FNTA: variants seen among roughly 807,000 people sequenced by gnomAD.
The protein encoded by FNTA is protein farnesyltransferase/geranylgeranyltransferase type-1 subunit alpha.
Under a neutral mutation model 55.2 loss-of-function variants are expected in FNTA, and 27 were observed. That is an observed-to-expected ratio of 0.49 (90% CI 0.36 to 0.67). FNTA has a LOEUF of 0.67. Among genes scored for constraint, FNTA ranks in the 30% least tolerant of loss-of-function variants. The probability of loss-of-function intolerance (pLI) is 0.00; values close to 1 mark genes in which losing one functional copy is unlikely to be tolerated. For missense variants in FNTA, 422 were observed against 464.7 expected, an observed-to-expected ratio of 0.91 and a Z score of 0.85; for synonymous variants, 176 against 170.7, an observed-to-expected ratio of 1.03 and a Z score of -0.24.
At chr8:43,063,242 G>A (rs777585159) in intron 2 of FNTA, 8 of 455,436 alleles carry the variant, frequency 1.8e-5, no homozygotes, top group South Asian at 1.2e-4. Context: ...CACCACGCCC[G>A]ATTAATTTCT....
At chr8:43,072,863 T>A (rs1006741097) in intron 5 of FNTA, among the ~76,000 whole-genome samples, 1 of 152,236 alleles carries the variant, frequency 6.6e-6, no homozygotes, top group Non-Finnish European at 1.5e-5. Context: ...GCTAGCAAAT[T>A]GAGTATAAAG....
At chr8:43,076,132 C>G (rs1229399684) in intron 5 of FNTA, among the ~76,000 whole-genome samples, 1 of 152,256 alleles carries the variant, frequency 6.6e-6, no homozygotes, top group African/African-American at 2.4e-5. Context: ...CAACCTCCAC[C>G]TCACGGGTTC....
At chr8:43,077,680 A>G (rs149574766) in intron 6 of FNTA, 193 of 172,212 alleles carry the variant, frequency 1.1e-3, no homozygotes, top group African/African-American at 4.4e-3. Context: ...CCCAGATGCC[A>G]TGTTACCCTA....
intron 3 of FNTA, among the ~76,000 whole-genome samples, chr8:43,068,103 T>C (rs1244390903): frequency 6.6e-6 from 1 of 152,184 alleles, no homozygotes; most frequent in South Asian, 2.1e-4. Context: ...TGTTTCACCA[T>C]GTTAGCCAGG....
At chr8:43,058,323 T>G (rs1174179377) in intron 1 of FNTA, among the ~76,000 whole-genome samples, 1 of 152,244 alleles carries the variant, frequency 6.6e-6, no homozygotes, top group East Asian at 1.9e-4. Context: ...CCTGTCTTAT[T>G]AATGATCACC....
intron 2 of FNTA, among the ~76,000 whole-genome samples, chr8:43,061,376 T>G (rs1810525451): frequency 6.6e-6 from 1 of 152,246 alleles, no homozygotes; most frequent in Non-Finnish European, 1.5e-5. Flanking sequence ...GTTATTTAAC[T>G]CCTATGTGCC....
chr8:43,064,051 G>A (rs1424299650), intron 2 of FNTA, 50 bp from the exon 3 acceptor site: 1 of 1,103,272 alleles, frequency 9.1e-7, no homozygotes, highest in Admixed American at 1.8e-5. Flanking sequence ...ACATTATAGT[G>A]CTAATTTTAA....
Position 43,056,556 on chromosome 8 carries a change from C to T in FNTA, c.200+10C>T. The T allele has an allele frequency of 2.1e-6, 3 of 1,401,806 alleles. No homozygotes were observed. The highest frequency in any genetic ancestry group is 3.2e-5 in the South Asian group (2 of 62,624). 86.8% of individuals were successfully genotyped at this position (1,401,806 alleles called of 1,614,324 possible). A position where few individuals can be genotyped will look rare whatever the true frequency, so the allele number is the denominator to read the frequency against. ...CCTATGTCCTGTACAGGTAACGCCC[C>T]CGCGGCGGCCGCGGCTCGGGACACT... is the stretch of plus-strand genomic sequence containing the variant. On this transcript the variant is annotated intron_variant, in intron 1 of 8. Coordinates refer to ENST00000302279, the MANE Select transcript of FNTA (RefSeq NM_002027.3).
At chr8:43,068,204 G>T (rs373548210) in intron 3 of FNTA, among the ~76,000 whole-genome samples, 1 of 152,148 alleles carries the variant, frequency 6.6e-6, no homozygotes, top group African/African-American at 2.4e-5. Flanking sequence ...TAGAGATGGG[G>T]TTTTGCCACG....
intron 5 of FNTA, chr8:43,076,583 A>G (rs1338156526): frequency 6.6e-6 from 1 of 152,124 alleles, no homozygotes; most frequent in Non-Finnish European, 1.5e-5. Flanking sequence ...TTTTACTTTG[A>G]TATATTAATA....
intron 5 of FNTA, among the ~76,000 whole-genome samples, chr8:43,075,403 T>C (rs1004210176): frequency 1.3e-5 from 2 of 152,120 alleles, no homozygotes; most frequent in Non-Finnish European, 2.9e-5. Flanking sequence ...ATTATCTTTT[T>C]TATAATGTCC....
intron 1 of FNTA, chr8:43,057,374 T>TA (rs1280233327): frequency 3.3e-5 from 5 of 152,302 alleles, no homozygotes; most frequent in Middle Eastern, 3.4e-3. Flanking sequence ...CCCATATATA[T>TA]TTTTTTGATT....
At chr8:43,064,361 G>A in intron 3 of FNTA, 146 bp downstream of exon 3, 1 of 564,264 alleles carries the variant, frequency 1.8e-6, no homozygotes. Flanking sequence ...GCCCAGGCTG[G>A]AGTATAACTG....
At chr8:43,073,425 G>A (rs1810839808) in intron 5 of FNTA, 2 of 152,152 alleles carry the variant, frequency 1.3e-5, no homozygotes, top group Non-Finnish European at 1.5e-5. Flanking sequence ...TAATTGTGTT[G>A]TAGCTTATGC....
At chr8:43,078,970 T>G (rs1267220940) in intron 6 of FNTA, 1 of 152,412 alleles carries the variant, frequency 6.6e-6, no homozygotes, top group Admixed American at 6.5e-5. Context: ...AACATTCCCT[T>G]AAGCCAAAGC....
intron 3 of FNTA, among the ~76,000 whole-genome samples, 174 bp from the exon 4 acceptor site, chr8:43,069,381 A>G (rs975986244): frequency 3.3e-5 from 5 of 152,040 alleles, no homozygotes; most frequent in Admixed American, 6.6e-5. Flanking sequence ...CGGCCTCCCA[A>G]AGTGCTGGGA....
At chr8:43,063,199 G>A (rs753367055) in intron 2 of FNTA, 1 of 450,036 alleles carries the variant, frequency 2.2e-6, no homozygotes, top group East Asian at 7.0e-5. Flanking sequence ...TCCTACCTCT[G>A]CCTCCCGAGT....
intron 4 of FNTA, among the ~76,000 whole-genome samples, chr8:43,071,202 C>T (rs1249268157): frequency 1.3e-5 from 2 of 152,092 alleles, no homozygotes; most frequent in Non-Finnish European, 2.9e-5. Flanking sequence ...ACTTACCATA[C>T]AATTCCCCCA....
chr8:43,076,218 G>A (rs1322080057), intron 5 of FNTA, among the ~76,000 whole-genome samples: 2 of 151,696 alleles, frequency 1.3e-5, no homozygotes, highest in Non-Finnish European at 2.9e-5. Context: ...TAATTTTTGT[G>A]TTTTTAGTAG....
Sources: gnomAD v4.1 joint callset for allele counts (sites outside exome capture counted in the v4.1 genomes callset) on GRCh38, gnomAD v4.1.1 for gene constraint, MANE v1.5 for transcripts, NCBI Gene and HGNC (gene_info 2026-07-23, HGNC 2026-07-21) for gene names.